FAM13A: variants seen among roughly 807,000 people sequenced by gnomAD.
FAM13A encodes protein FAM13A.
FAM13A carries 76 observed loss-of-function variants against 129.6 expected under a neutral mutation model. The observed-to-expected ratio is 0.59, with a 90% confidence interval of 0.49 to 0.71. The LOEUF (loss-of-function observed/expected upper bound fraction) is 0.71, where lower values mean the gene tolerates loss of function less well. Among genes scored for constraint, FAM13A ranks in the 30% least tolerant of loss-of-function variants. FAM13A has a pLI of 0.00. For missense variants in FAM13A, 1,108 were observed against 1,249.3 expected (o/e 0.89, Z 1.70); for synonymous variants, 443 against 449.9 (o/e 0.98, Z 0.20).
intron 7 of FAM13A, among the ~76,000 whole-genome samples, chr4:88,806,242 T>C (rs1016737701): frequency 1.4e-4 from 22 of 152,148 alleles, no homozygotes; most frequent in Non-Finnish European, 2.5e-4. Context: ...TTAAATAAAA[T>C]GAAAAAGAAA....
chr4:88,777,128 C>CT (rs5860148), intron 11 of FAM13A, among the ~76,000 whole-genome samples: 98,005 of 151,868 alleles, frequency 0.65, 33,833 homozygotes, highest in Non-Finnish European at 0.8. Context: ...GAGATGGAGA[C>CT]TTTTTTTCTA....
At chr4:88,951,002 C>T (rs574785200) in intron 4 of FAM13A, among the ~76,000 whole-genome samples, 2 of 152,284 alleles carry the variant, frequency 1.3e-5, no homozygotes, top group Non-Finnish European at 2.9e-5. Context: ...GGAGGTGGGG[C>T]TCAGGTACGA....
At chr4:88,915,898 C>G (rs1750035296) in intron 5 of FAM13A, among the ~76,000 whole-genome samples, 1 of 152,058 alleles carries the variant, frequency 6.6e-6, no homozygotes, top group African/African-American at 2.4e-5. Flanking sequence ...TGCCATGTGA[C>G]CTCTGCACAT....
intron 1 of FAM13A, among the ~76,000 whole-genome samples, chr4:89,054,233 T>C (rs1465064336): frequency 6.6e-6 from 1 of 151,964 alleles, no homozygotes; most frequent in Non-Finnish European, 1.5e-5. Flanking sequence ...CTGAGTTTAT[T>C]GGAACCAATT....
At chr4:88,869,838 G>C (rs1741052750) in intron 6 of FAM13A, among the ~76,000 whole-genome samples, 1 of 152,158 alleles carries the variant, frequency 6.6e-6, no homozygotes, top group Non-Finnish European at 1.5e-5. Context: ...CATCAAAACA[G>C]ACATGACTGC....
At chr4:89,038,316 C>CA (rs1413682287) in intron 1 of FAM13A, among the ~76,000 whole-genome samples, 2 of 152,124 alleles carry the variant, frequency 1.3e-5, no homozygotes, top group African/African-American at 2.4e-5. Flanking sequence ...AATTCAGAAC[C>CA]ATGTGCTCCA....
intron 1 of FAM13A, among the ~76,000 whole-genome samples, chr4:89,052,041 A>G (rs1771657278): frequency 6.6e-6 from 1 of 152,040 alleles, no homozygotes; most frequent in Non-Finnish European, 1.5e-5. Flanking sequence ...CTTGAAATCT[A>G]TGTAGAGGCA....
intron 3 of FAM13A, among the ~76,000 whole-genome samples, chr4:89,002,474 T>G (rs1287810534): frequency 1.3e-5 from 2 of 152,180 alleles, no homozygotes; most frequent in Non-Finnish European, 2.9e-5. Flanking sequence ...GAGTCATTAT[T>G]TCCTTACTGA....
chr4:88,921,837 A>G (rs1751149742), intron 5 of FAM13A, among the ~76,000 whole-genome samples: 1 of 152,142 alleles, frequency 6.6e-6, no homozygotes. Flanking sequence ...ATAGGCTCAA[A>G]ATAAAAGGAT....
At chr4:88,989,126 T>G (rs9991800) in intron 4 of FAM13A, among the ~76,000 whole-genome samples, 17 of 151,478 alleles carry the variant, frequency 1.1e-4, no homozygotes, top group African/African-American at 3.9e-4. Context: ...GAGAATCGCA[T>G]GAACCCAGGA....
chr4:88,950,977 A>C (rs1220219660), intron 4 of FAM13A, among the ~76,000 whole-genome samples: 1 of 152,160 alleles, frequency 6.6e-6, no homozygotes, highest in Non-Finnish European at 1.5e-5. Context: ...ATATTACAAG[A>C]GAAGACATGT....
chr4:88,732,334 G>A (rs566250126), intron 21 of FAM13A, 136 bp from the exon 22 acceptor site: 1 of 560,296 alleles, frequency 1.8e-6, no homozygotes, highest in East Asian at 2.9e-5. Flanking sequence ...CAACACATAT[G>A]TACATTACAG....
At chr4:88,962,192 C>T (rs944777724) in intron 4 of FAM13A, among the ~76,000 whole-genome samples, 3 of 151,222 alleles carry the variant, frequency 2.0e-5, no homozygotes, top group African/African-American at 7.3e-5. Context: ...AAAAATGTCA[C>T]AGAGGATATT....
chr4:88,905,919 G>T (rs533044728), intron 6 of FAM13A, among the ~76,000 whole-genome samples: 1 of 152,060 alleles, frequency 6.6e-6, no homozygotes, highest in Non-Finnish European at 1.5e-5. Context: ...CTACTTCCCT[G>T]AAAAAACAAA....
chr4:88,889,451 T>G (rs928608977), intron 6 of FAM13A, among the ~76,000 whole-genome samples: 9 of 152,172 alleles, frequency 5.9e-5, no homozygotes, highest in Non-Finnish European at 8.8e-5. Context: ...GATTTTCATC[T>G]TTGTAGAGGG....
chr4:88,766,689 G>A (rs1745762446), intron 13 of FAM13A, among the ~76,000 whole-genome samples: 1 of 152,140 alleles, frequency 6.6e-6, no homozygotes. Context: ...CCAGCTCCTA[G>A]CACAGTACCT....
At chr4:88,886,732 C>A (rs1401784356) in intron 6 of FAM13A, among the ~76,000 whole-genome samples, 1 of 151,828 alleles carries the variant, frequency 6.6e-6, no homozygotes, top group East Asian at 1.9e-4. Context: ...CATGGTGAAA[C>A]CCCGTCTCTA....
At chr4:88,833,303 T>C (rs145330796) in intron 7 of FAM13A, among the ~76,000 whole-genome samples, 5 of 152,100 alleles carry the variant, frequency 3.3e-5, no homozygotes, top group Non-Finnish European at 5.9e-5. Context: ...TGACAGGTGC[T>C]GCAAACCACC....
At chr4:88,843,986 A>C (rs1365643250) in intron 7 of FAM13A, among the ~76,000 whole-genome samples, 1 of 152,236 alleles carries the variant, frequency 6.6e-6, no homozygotes, top group Non-Finnish European at 1.5e-5. Flanking sequence ...ACATTAAAAA[A>C]TTATACTATT....
Sources: gnomAD v4.1 joint callset for allele counts (sites outside exome capture counted in the v4.1 genomes callset) on GRCh38, gnomAD v4.1.1 for gene constraint, MANE v1.5 for transcripts, NCBI Gene and HGNC (gene_info 2026-07-23, HGNC 2026-07-21) for gene names.